The following SPATA24 variants were observed in gnomAD, a reference collection of about 807,000 sequenced individuals.
SPATA24 encodes the protein spermatogenesis associated 24, also known as spermatogenesis-associated protein 24.
In SPATA24, 21 loss-of-function variants were observed where a neutral mutation model predicts 28.9. That is an observed-to-expected ratio of 0.73 (90% CI 0.52 to 1.05). The LOEUF is 1.05. SPATA24 is among the 50% of genes least tolerant of loss of function. The pLI is 0.00. For missense variants in SPATA24, 215 were observed against 242.9 expected, an observed-to-expected ratio of 0.88 and a Z score of 0.76; for synonymous variants, 76 against 89.9, an observed-to-expected ratio of 0.85 and a Z score of 0.88.
chr5:139,392,503 T>G (rs1758615202), downstream of SPATA24: 1 of 1,347,166 alleles, frequency 7.4e-7, no homozygotes, highest in Non-Finnish European at 9.5e-7. This position sits in a 1 kb window ranked among gnomAD's most constrained non-coding sequence, Gnocchi z 5.8. Flanking sequence ...CGGGGACCGG[T>G]CCGTGGGAGG....
chr5:139,394,539 G>A (rs1438690678), downstream of SPATA24: 2 of 1,486,122 alleles, frequency 1.3e-6, no homozygotes, highest in Non-Finnish European at 1.8e-6. Flanking sequence ...GCGCTGGGGC[G>A]GCAGGACTTG....
At chr5:139,393,844 T>A, downstream of SPATA24, 1 of 1,550,790 alleles carries the variant, frequency 6.4e-7, no homozygotes, top group Non-Finnish European at 8.7e-7. Flanking sequence ...GGACAGGTTC[T>A]GGGGCGACGG....
At chr5:139,397,172 G>C (rs1758729629) in intron 4 of SPATA24, 29 bp from the exon 5 acceptor site, 1 of 1,522,352 alleles carries the variant, frequency 6.6e-7, no homozygotes, top group Non-Finnish European at 8.9e-7. Flanking sequence ...GGGAGGAGGG[G>C]TGGTTCCCAT....
At chr5:139,397,464 G>T (rs906482225) in intron 4 of SPATA24, among the ~76,000 whole-genome samples, 2 of 152,066 alleles carry the variant, frequency 1.3e-5, no homozygotes, top group Non-Finnish European at 2.9e-5. Context: ...ACTCCTGCAG[G>T]TCTTTACAGA....
downstream of SPATA24, chr5:139,393,866 C>A: frequency 6.4e-7 from 1 of 1,550,464 alleles, no homozygotes; most frequent in Non-Finnish European, 8.7e-7. Flanking sequence ...CAGCGAGGAC[C>A]CCGTACAGCC....
chr5:139,399,190 A>G (rs1561992451), intron 4 of SPATA24, among the ~76,000 whole-genome samples: 3 of 151,088 alleles, frequency 2.0e-5, no homozygotes, highest in African/African-American at 4.9e-5. Flanking sequence ...GGTGGCGGGC[A>G]CCTATAGTCC....
downstream of SPATA24, chr5:139,394,835 CGTGCCGCTGGCG>C: frequency 3.9e-6 from 6 of 1,531,344 alleles, no homozygotes; most frequent in Non-Finnish European, 5.3e-6. Context: ...GAGCCGGGCC[CGTGCCGCTGGCG>C]GCTATTCTGG....
downstream of SPATA24, chr5:139,392,601 G>C: frequency 1.5e-6 from 2 of 1,366,830 alleles, no homozygotes; most frequent in East Asian, 6.1e-5. This position sits in a 1 kb window ranked among gnomAD's most constrained non-coding sequence, Gnocchi z 5.8. Context: ...CGGCAGCCGC[G>C]GGCTCGGGGG....
intron 4 of SPATA24, among the ~76,000 whole-genome samples, chr5:139,397,557 T>C (rs1327581516): frequency 5.9e-5 from 9 of 151,876 alleles, no homozygotes; most frequent in Non-Finnish European, 1.3e-4. Context: ...CTTTCTCTTT[T>C]TTTTTTTTTT....
intron 1 of SPATA24, 82 bp downstream of exon 1, chr5:139,403,862 C>A: frequency 8.2e-7 from 1 of 1,215,654 alleles, no homozygotes; most frequent in East Asian, 2.5e-5. Context: ...GCCACGGCCC[C>A]CGCATCGGAA....
downstream of SPATA24, chr5:139,394,485 G>T: frequency 7.0e-7 from 1 of 1,422,400 alleles, no homozygotes. Context: ...GGGGCCTGGC[G>T]GGCGCGGCGC....
chr5:139,393,218 GA>G (rs1758630467), downstream of SPATA24: 1 of 1,549,202 alleles, frequency 6.5e-7, no homozygotes, highest in Admixed American at 2.0e-5. Context: ...CGAGGCCGCG[GA>G]ATGGCCATGC....
At chr5:139,402,983 A>T (rs557431047) in intron 1 of SPATA24, among the ~76,000 whole-genome samples, 1 of 152,164 alleles carries the variant, frequency 6.6e-6, no homozygotes, top group South Asian at 2.1e-4. Flanking sequence ...GGAGGCCCCA[A>T]CCCAGCCTGG....
At chr5:139,399,212 G>A (rs2152078586) in intron 4 of SPATA24, among the ~76,000 whole-genome samples, 1 of 151,876 alleles carries the variant, frequency 6.6e-6, no homozygotes, top group East Asian at 1.9e-4. Flanking sequence ...AGCTACCTGG[G>A]AGGCTGAGGC....
downstream of SPATA24, chr5:139,393,732 C>T (rs972403568): frequency 8.4e-6 from 13 of 1,551,248 alleles, no homozygotes; most frequent in Admixed American, 1.8e-4. Flanking sequence ...AAGGGCTTCT[C>T]CTGCTGACAG....
downstream of SPATA24, chr5:139,395,744 A>C (rs894484460): frequency 6.6e-6 from 1 of 152,140 alleles, no homozygotes; most frequent in African/African-American, 2.4e-5. Flanking sequence ...GGCTGGACCC[A>C]CTGCCCTCGG....
At chr5:139,398,418 A>AC (rs397696139) in intron 4 of SPATA24, among the ~76,000 whole-genome samples, 1 of 150,692 alleles carries the variant, frequency 6.6e-6, no homozygotes, top group African/African-American at 2.4e-5. Flanking sequence ...AAAAAAAAAA[A>AC]CAAAAAACTA....
Position 139,398,301 on chromosome 5 carries a change from G to A in SPATA24, c.386-1158C>T, listed in dbSNP as rs73255293. On this transcript the variant is annotated intron_variant, in intron 4 of 5. Coordinates refer to ENST00000450845, the MANE Select transcript of SPATA24 (RefSeq NM_194296.2). ...GGCAAAGCCTACCCCCAAATTAATC[G>A]TACATTTGAGGCAAAGATGACTTTC... Among the ~76,000 whole-genome samples, 953 of 152,028 alleles carry A rather than the reference G, an allele frequency of 6.3e-3. 11 individuals carry two copies. Among genetic ancestry groups the A allele is most frequent in the African/African-American group, 0.022 (923 of 41,444 alleles).
intron 4 of SPATA24, among the ~76,000 whole-genome samples, chr5:139,397,538 C>G (rs974306950): frequency 6.6e-6 from 1 of 150,440 alleles, no homozygotes; most frequent in Non-Finnish European, 1.5e-5. Flanking sequence ...TTCCTGTTCC[C>G]TCTTCCTGCT....
Sources: gnomAD v4.1 joint callset for allele counts (sites outside exome capture counted in the v4.1 genomes callset) on GRCh38, gnomAD v4.1.1 for gene constraint, Gnocchi (gnomAD v3.1) non-coding constraint, MANE v1.5 for transcripts, NCBI Gene and HGNC (gene_info 2026-07-23, HGNC 2026-07-21) for gene names.